Variants in NBEA observed in about 807,000 individuals in gnomAD.
NBEA encodes the protein lysosomal-trafficking regulator 2.
NBEA carries 44 observed loss-of-function variants against 343.4 expected under a neutral mutation model. That is an observed-to-expected ratio of 0.13 (90% CI 0.10 to 0.16). The LOEUF is 0.16. Among genes scored for constraint, NBEA ranks in the 10% least tolerant of loss-of-function variants. The pLI, the probability that NBEA is intolerant of heterozygous loss-of-function variation, is 1.00. For synonymous variants in NBEA, 1,175 were observed against 1,238.7 expected (o/e 0.95, Z 1.08); for missense variants, 2,555 against 3,631.3 (o/e 0.70, Z 7.62).
chr13:35,595,168 C>A (rs78845096), intron 47 of NBEA, among the ~76,000 whole-genome samples: 11,976 of 152,056 alleles, frequency 0.079, 580 homozygotes, highest in African/African-American at 0.13. Flanking sequence ...TAAATTCTCC[C>A]AGAAATTTTC....
Position 35,159,970 on chromosome 13 carries a change from T to C in NBEA, c.3799T>C (p.Ser1267Pro), listed in dbSNP as rs2069443010. The C allele has an allele frequency of 6.3e-7, 1 of 1,594,170 alleles. No homozygotes were observed. The highest frequency in any genetic ancestry group is 8.5e-7 in the Non-Finnish European group (1 of 1,170,332). The change falls in exon 22 of 59, where the codon TCT (serine) becomes CCT (proline). Residue 1267 changes from serine to proline, a missense_variant. By Grantham distance (74) the Ser-to-Pro change is moderately conservative (BLOSUM62 -1). Around this residue, in one of 21 missense-constraint regions of NBEA, gnomAD observed 367 missense variants for 377.5 expected, o/e 0.97. Coordinates refer to ENST00000379939, the MANE Select transcript of NBEA (RefSeq NM_001385012.1). ...AGSIISDTER[S>P]DDGKESGKEI... ...AAGTATAATTTCAGATACTGAAAGG[T>C]CTGACGATGGCAAAGAATCAGGAAA...
At chr13:35,407,459 A>G (rs1373063768) in intron 38 of NBEA, among the ~76,000 whole-genome samples, 1 of 151,964 alleles carries the variant, frequency 6.6e-6, no homozygotes, top group Non-Finnish European at 1.5e-5. Flanking sequence ...AGCCCAGATT[A>G]AAGAATCAAA....
chr13:35,425,309 C>G (rs1472472955), intron 38 of NBEA, among the ~76,000 whole-genome samples: 1 of 152,210 alleles, frequency 6.6e-6, no homozygotes, highest in Non-Finnish European at 1.5e-5. Flanking sequence ...CCTCTACACA[C>G]TGCTTTGAAT....
chr13:34,973,063 C>T (rs1301460188), intron 1 of NBEA, among the ~76,000 whole-genome samples: 2 of 151,912 alleles, frequency 1.3e-5, no homozygotes, highest in African/African-American at 2.4e-5. Context: ...TTGCGGTTTG[C>T]TGGGGGTCCA....
At chr13:35,310,135 A>G (rs892793216) in intron 36 of NBEA, among the ~76,000 whole-genome samples, 1 of 152,118 alleles carries the variant, frequency 6.6e-6, no homozygotes, top group East Asian at 1.9e-4. Flanking sequence ...CCAAAAATAC[A>G]TTGACATTTA....
intron 34 of NBEA, chr13:35,251,276 A>G (rs1041293195): frequency 2.0e-6 from 1 of 512,208 alleles, no homozygotes; most frequent in Non-Finnish European, 2.6e-6. Flanking sequence ...CGTCGCTGGT[A>G]GCAGATTCAT....
intron 33 of NBEA, among the ~76,000 whole-genome samples, chr13:35,219,934 C>A (rs2074271659): frequency 6.6e-6 from 1 of 152,146 alleles, no homozygotes; most frequent in Non-Finnish European, 1.5e-5. Flanking sequence ...TAGATACCCT[C>A]ACAGTCATAC....
At chr13:35,111,759 G>T (rs1445683712) in intron 13 of NBEA, among the ~76,000 whole-genome samples, 6 of 151,810 alleles carry the variant, frequency 4.0e-5, no homozygotes, top group Non-Finnish European at 8.8e-5. Flanking sequence ...TGAGAAAGGG[G>T]CTAATGACAA....
chr13:35,530,679 TAAAAG>T (rs1566274692), intron 41 of NBEA, among the ~76,000 whole-genome samples: 1 of 152,194 alleles, frequency 6.6e-6, no homozygotes, highest in Non-Finnish European at 1.5e-5. Context: ...ATTGAGGGCT[TAAAAG>T]AAACAATAGT....
chr13:35,187,771 A>G (rs1206450129), intron 30 of NBEA, among the ~76,000 whole-genome samples: 1 of 152,076 alleles, frequency 6.6e-6, no homozygotes, highest in Non-Finnish European at 1.5e-5. Context: ...GTAACATTTC[A>G]CAAGGGCCCT....
intron 1 of NBEA, among the ~76,000 whole-genome samples, chr13:35,002,194 C>G (rs2061164012): frequency 6.6e-6 from 1 of 152,136 alleles, no homozygotes. Context: ...AGGGAGCTAA[C>G]AGGTTACATA....
At chr13:35,210,402 A>G (rs1192962662) in intron 32 of NBEA, among the ~76,000 whole-genome samples, 3 of 152,128 alleles carry the variant, frequency 2.0e-5, no homozygotes, top group African/African-American at 7.2e-5. Context: ...AAATCCCAGT[A>G]AGCAATTCAG....
chr13:35,272,548 G>A (rs1376098473), intron 34 of NBEA, among the ~76,000 whole-genome samples: 1 of 152,116 alleles, frequency 6.6e-6, no homozygotes, highest in Non-Finnish European at 1.5e-5. Flanking sequence ...CCAATTAAAA[G>A]ACACAGACTG....
chr13:34,970,814 C>G (rs2059974288), intron 1 of NBEA, among the ~76,000 whole-genome samples: 1 of 152,120 alleles, frequency 6.6e-6, no homozygotes, highest in Non-Finnish European at 1.5e-5. Flanking sequence ...CGTGATGCCT[C>G]TAGCTTTGTT....
chr13:35,036,559 C>G lies in NBEA; in HGVS notation c.295-4374C>G, dbSNP rs567237532. 2.0e-5 allele frequency among the ~76,000 whole-genome samples: 3 copies of G among 152,096 alleles called. 1 individual carries two copies. Among genetic ancestry groups the G allele is most frequent in the Non-Finnish European group, 4.4e-5 (3 of 67,986 alleles). ...CTTTTCTTTCTGATTGAAGTACCCCCTTTAGCATTTCTTGTAGGACAGGTC... is the reference window on the plus strand; with the variant it reads ...CTTTTCTTTCTGATTGAAGTACCCCGTTTAGCATTTCTTGTAGGACAGGTC... On this transcript the variant is annotated intron_variant, in intron 1 of 58. Coordinates refer to ENST00000379939, the MANE Select transcript of NBEA (RefSeq NM_001385012.1).
At chr13:35,089,556 C>G (rs1478609852) in intron 10 of NBEA, among the ~76,000 whole-genome samples, 1 of 113,340 alleles carries the variant, frequency 8.8e-6, no homozygotes, top group Non-Finnish European at 1.8e-5. Context: ...CATCCCATTA[C>G]TGGGTATATA....
intron 10 of NBEA, among the ~76,000 whole-genome samples, chr13:35,092,722 A>T (rs1213040636): frequency 6.6e-6 from 1 of 152,036 alleles, no homozygotes; most frequent in Non-Finnish European, 1.5e-5. Context: ...GGATGTGAGA[A>T]CAACTAGAAC....
rs192805656 is a variant in NBEA at position 35,260,400 on chromosome 13, G to A, written c.5776+27781G>A. 1.1e-3 allele frequency among the ~76,000 whole-genome samples: 166 copies of A among 152,292 alleles called. 1 individual carries two copies. Among genetic ancestry groups the A allele is most frequent in the Non-Finnish European group, 2.0e-3 (139 of 68,020 alleles). ...AAAATTGGACAAAATATATGAATAA[G>A]CAGTTTTTATACATTGAACAGTAGG... On this transcript the variant is annotated intron_variant, in intron 34 of 58. Transcript: ENST00000379939.
chr13:35,360,996 A>G (rs2040775660), intron 38 of NBEA, among the ~76,000 whole-genome samples: 1 of 152,146 alleles, frequency 6.6e-6, no homozygotes, highest in Non-Finnish European at 1.5e-5. Flanking sequence ...TAGAGACTCA[A>G]GAAGCTCAGA....
Sources: allele counts gnomAD v4.1 joint callset (sites outside exome capture counted in the v4.1 genomes callset), GRCh38; gene constraint gnomAD v4.1.1; regional missense constraint gnomAD v4.1.1; transcripts MANE v1.5; gene names NCBI Gene and HGNC (gene_info 2026-07-23, HGNC 2026-07-21).